Variants in THADA observed in about 807,000 individuals in gnomAD.
THADA encodes tRNA (32-2'-O)-methyltransferase regulator THADA.
THADA carries 213 observed loss-of-function variants against 219.8 expected under a neutral mutation model. The observed-to-expected ratio is 0.97, with a 90% CI of 0.87 to 1.09. The LOEUF is 1.09. Ranked by LOEUF, THADA falls within the 50% of genes least tolerant of loss-of-function variation. The probability of loss-of-function intolerance (pLI) is 0.00; values close to 1 mark genes in which losing one functional copy is unlikely to be tolerated. For synonymous variants in THADA, 1,018 were observed against 828.9 expected, an observed-to-expected ratio of 1.23 and a Z score of -3.92; for missense variants, 2,956 against 2,311.3, an observed-to-expected ratio of 1.28 and a Z score of -5.72.
intron 25 of THADA, chr2:43,486,764 C>G (rs185159671): frequency 6.6e-6 from 1 of 152,146 alleles, no homozygotes; most frequent in Non-Finnish European, 1.5e-5. Flanking sequence ...TTTGCCAGAT[C>G]ATCTGCTTTT....
chr2:43,255,711 G>A (rs77891530), intron 36 of THADA, among the ~76,000 whole-genome samples: 2 of 152,306 alleles, frequency 1.3e-5, no homozygotes, highest in Admixed American at 6.5e-5. Context: ...CACACCCCGG[G>A]AAGCTCAGAT....
intron 30 of THADA, among the ~76,000 whole-genome samples, chr2:43,321,549 G>A (rs1340871857): frequency 1.3e-5 from 2 of 152,172 alleles, no homozygotes; most frequent in African/African-American, 4.8e-5. Context: ...TAGTGATTTG[G>A]AGACTGAGTT....
intron 18 of THADA, 106 bp from the exon 19 acceptor site, chr2:43,552,031 A>C (rs1318010182): frequency 2.6e-6 from 4 of 1,552,552 alleles, no homozygotes; most frequent in Non-Finnish European, 3.5e-6. Context: ...TGTTCAATAC[A>C]TAAAACATGT....
At chr2:43,280,370 A>C (rs1233368188) in intron 35 of THADA, among the ~76,000 whole-genome samples, 1 of 152,224 alleles carries the variant, frequency 6.6e-6, no homozygotes, top group African/African-American at 2.4e-5. Flanking sequence ...GTGGTGGCTC[A>C]TGCCTGTAAT....
At chr2:43,388,958 A>G (rs1188912514) in intron 29 of THADA, among the ~76,000 whole-genome samples, 1 of 152,168 alleles carries the variant, frequency 6.6e-6, no homozygotes, top group African/African-American at 2.4e-5. Flanking sequence ...CGCCCGTAGC[A>G]GTGGTGGTGG....
intron 24 of THADA, among the ~76,000 whole-genome samples, chr2:43,502,914 G>C (rs1689192173): frequency 6.6e-6 from 1 of 152,010 alleles, no homozygotes; most frequent in Non-Finnish European, 1.5e-5. Flanking sequence ...ATTAAAGTAA[G>C]CAAAGTCTTT....
chr2:43,531,993 T>G (rs558112512), intron 21 of THADA, among the ~76,000 whole-genome samples: 2 of 151,892 alleles, frequency 1.3e-5, no homozygotes, highest in East Asian at 3.9e-4. Flanking sequence ...TGGTGTGTGT[T>G]TTTTTTTAAT....
intron 35 of THADA, among the ~76,000 whole-genome samples, chr2:43,281,808 T>C (rs1018188119): frequency 6.6e-6 from 1 of 152,026 alleles, no homozygotes; most frequent in African/African-American, 2.4e-5. Context: ...TCTCACTATG[T>C]TGCTCAGGCT....
intron 29 of THADA, among the ~76,000 whole-genome samples, chr2:43,352,574 A>T (rs562639794): frequency 3.9e-5 from 6 of 152,116 alleles, no homozygotes; most frequent in Admixed American, 3.9e-4. Context: ...TAATAATAAT[A>T]AAAAAATGCA....
chr2:43,520,298 G>A (rs1692242737), intron 22 of THADA, among the ~76,000 whole-genome samples: 1 of 152,182 alleles, frequency 6.6e-6, no homozygotes, highest in Non-Finnish European at 1.5e-5. Context: ...AAAATATACA[G>A]TGTCTTTAGC....
chr2:43,490,675 C>A (rs1573911556), intron 25 of THADA, among the ~76,000 whole-genome samples: 1 of 152,132 alleles, frequency 6.6e-6, no homozygotes, highest in Non-Finnish European at 1.5e-5. Flanking sequence ...TGGTATAGTA[C>A]ACTAACGTAT....
In THADA at chr2:43,279,866, C is replaced by T; in HGVS notation, c.5195G>A (p.Cys1732Tyr). Residue 1732 changes from cysteine (C) to tyrosine (Y), a missense_variant, in exon 36 of 38, where the codon TGT becomes TAT. Transcript: ENST00000405975. ...CTCACTCTGCAGAAGGGTAAGGACA[C>T]ACTTCCAGAGAGCAAGTGTATCCTG... ...ELQDTLALWK[C>Y]VLTLLQSEEQ... 1 of 1,565,226 alleles carries T rather than the reference C, an allele frequency of 6.4e-7. No individual in the cohort carries two copies. The highest frequency in any genetic ancestry group is 2.0e-5 in the Admixed American group (1 of 50,356).
intron 31 of THADA, 131 bp downstream of exon 31, chr2:43,320,315 T>C (rs928216993): frequency 1.6e-6 from 1 of 628,196 alleles, no homozygotes; most frequent in Non-Finnish European, 2.8e-6. Context: ...TATGACACTG[T>C]TTAATTTTGA....
intron 3 of THADA, among the ~76,000 whole-genome samples, chr2:43,591,741 A>T (rs1408750362): frequency 2.0e-5 from 3 of 152,216 alleles, no homozygotes; most frequent in Non-Finnish European, 4.4e-5. Flanking sequence ...ATCTGTTTAC[A>T]GTTCAATTAT....
Position 43,282,374 on chromosome 2 carries a change from C to G in THADA, c.5165-2478G>C, listed in dbSNP as rs187310414. Among the ~76,000 whole-genome samples, 3 of 152,324 alleles carry G rather than the reference C, an allele frequency of 2.0e-5. No homozygotes were observed. The East Asian group carries it at 5.8e-4, about 29-fold the overall frequency. The stretch of plus-strand genomic sequence containing the variant: ...AAAACCATATTGAAGAAAACGTTGT[C>G]TCCCAGAGAGATACAGGGACAGGAG... On this transcript the variant is annotated intron_variant, in intron 35 of 37. Coordinates refer to ENST00000405975, the MANE Select transcript of THADA (RefSeq NM_022065.5).
intron 36 of THADA, among the ~76,000 whole-genome samples, chr2:43,243,042 G>A (rs917485050): frequency 6.6e-6 from 1 of 152,160 alleles, no homozygotes; most frequent in South Asian, 2.1e-4. Flanking sequence ...GGAGTTGGCG[G>A]TATTTCTTTC....
chr2:43,512,261 C>A (rs973052930), intron 22 of THADA, among the ~76,000 whole-genome samples: 3 of 152,142 alleles, frequency 2.0e-5, no homozygotes, highest in Non-Finnish European at 2.9e-5. Context: ...TCCCCAGCAT[C>A]AAACCAGCTT....
At chr2:43,474,327 C>G (rs1685259213) in intron 26 of THADA, among the ~76,000 whole-genome samples, 1 of 152,132 alleles carries the variant, frequency 6.6e-6, no homozygotes, top group Non-Finnish European at 1.5e-5. Context: ...CACAGTGAAG[C>G]TGAAGTGAGG....
chr2:43,272,400 G>C (rs1672229340), intron 36 of THADA, among the ~76,000 whole-genome samples: 1 of 152,210 alleles, frequency 6.6e-6, no homozygotes, highest in Admixed American at 6.5e-5. Flanking sequence ...CCAGGCTGTA[G>C]AAGTCTGGGG....
Sources: allele counts gnomAD v4.1 joint callset (sites outside exome capture counted in the v4.1 genomes callset), GRCh38; gene constraint gnomAD v4.1.1; transcripts MANE v1.5; gene names NCBI Gene and HGNC (gene_info 2026-07-23, HGNC 2026-07-21).